The following PSD3 variants were observed in gnomAD, a reference collection of about 807,000 sequenced individuals.
PSD3 encodes the protein pleckstrin and Sec7 domain containing 3.
Under a neutral mutation model 105.5 loss-of-function variants are expected in PSD3, and 49 were observed. The ratio of observed to expected loss-of-function variants is 0.46; its 90% confidence interval spans 0.37 to 0.59. PSD3 has a LOEUF of 0.59. PSD3 is among the 20% of genes least tolerant of loss of function. The pLI is 0.00. For missense variants in PSD3, 1,561 were observed against 1,263.8 expected (o/e 1.24, Z -3.57); for synonymous variants, 557 against 457.8 (o/e 1.22, Z -2.77).
Position 18,776,271 on chromosome 8 carries a change from T to TAA in PSD3, c.2083-10735_2083-10734dup, listed in dbSNP as rs1404633228. Among the ~76,000 whole-genome samples the TAA allele has an allele frequency of 3.3e-3, 471 of 142,260 alleles. 4 individuals carry two copies. Among genetic ancestry groups the TAA allele is most frequent in the Non-Finnish European group, 5.1e-3 (340 of 66,700 alleles). The allele number at this position is 142,260 out of a possible 152,430, so 93.3% of individuals were successfully genotyped here. On this transcript the variant is annotated intron_variant, in intron 8 of 15. Coordinates refer to ENST00000327040, the MANE Select transcript of PSD3 (RefSeq NM_015310.4). Reference sequence around the variant, plus strand: ...CTCTCTCTCTCTCTCTATATATATATAATGTATAAATATATATATAATGTA... The same window carrying TAA: ...CTCTCTCTCTCTCTCTATATATATATAAAATGTATAAATATATATATAATGTA...
chr8:18,535,991 G>A lies in PSD3; in HGVS notation c.2929-33C>T, dbSNP rs780229745. 2 of 1,591,202 alleles carry A rather than the reference G, an allele frequency of 1.3e-6. 1 individual carries two copies. Among genetic ancestry groups the A allele is most frequent in the South Asian group, 2.2e-5 (2 of 90,628 alleles). On this transcript the variant is annotated intron_variant, in intron 15 of 15. Coordinates refer to ENST00000327040, the MANE Select transcript of PSD3 (RefSeq NM_015310.4). ...CAAAGCCAGAGAACAACGGTAGTCA[G>A]AAAACTGTTCAAAATGCACGTGTGC...
chr8:18,880,496 C>T (rs959501489), intron 2 of PSD3, among the ~76,000 whole-genome samples: 4 of 152,134 alleles, frequency 2.6e-5, no homozygotes, highest in Non-Finnish European at 5.9e-5. Flanking sequence ...GACAATAGTA[C>T]AGGTGAGAGA....
At position 18,611,989 on chromosome 8, in the gene PSD3, A is replaced by C. The variant is rs527606709; in HGVS notation, c.2411-11555T>G. 1.6e-3 allele frequency among the ~76,000 whole-genome samples: 238 copies of C among 152,360 alleles called. 2 individuals carry two copies. Among genetic ancestry groups the C allele is most frequent in the African/African-American group, 5.1e-3 (213 of 41,584 alleles). ...TTTCTCACACAAAGACTTGATGATG[A>C]CTATCACATTGTCTAAGGTGGAATG... On this transcript the variant is annotated intron_variant, in intron 11 of 15. Coordinates refer to ENST00000327040, the MANE Select transcript of PSD3 (RefSeq NM_015310.4).
intron 9 of PSD3, among the ~76,000 whole-genome samples, chr8:18,764,392 G>A (rs1382000502): frequency 6.6e-6 from 1 of 151,990 alleles, no homozygotes; most frequent in East Asian, 1.9e-4. Flanking sequence ...GCTGTACAAA[G>A]GACCTAAAGA....
chr8:18,717,873 T>C (rs1563196060), intron 9 of PSD3, among the ~76,000 whole-genome samples: 1 of 152,060 alleles, frequency 6.6e-6, no homozygotes, highest in Non-Finnish European at 1.5e-5. Flanking sequence ...CATTAAATTC[T>C]CTGCGGTGAG....
chr8:18,868,130 T>C (rs1817088780), intron 3 of PSD3, 61 bp from the exon 4 acceptor site: 5 of 1,479,980 alleles, frequency 3.4e-6, no homozygotes, highest in African/African-American at 2.8e-5. Context: ...TTTCTCCCAC[T>C]TCAACCATAT....
chr8:18,637,653 G>A (rs939418893), intron 10 of PSD3, among the ~76,000 whole-genome samples: 5 of 152,066 alleles, frequency 3.3e-5, no homozygotes, highest in South Asian at 2.1e-4. Flanking sequence ...TTTTATGGTC[G>A]TGCCAGTTTG....
rs192220379 is a variant in PSD3, at chr8:18,760,930, G to A, written c.2172+4519C>T. On this transcript the variant is annotated intron_variant, in intron 9 of 15. Transcript: ENST00000327040. The stretch of plus-strand genomic sequence containing the variant: ...AGCAACCCTTGTCTCCCCCAGGGAT[G>A]TTTTAATCACTTCAAGTAATTCACA... Among the ~76,000 whole-genome samples, 4 of 152,290 alleles carry A rather than the reference G, an allele frequency of 2.6e-5. No individual in the cohort carries two copies. In the East Asian group the frequency reaches 7.7e-4, roughly 29 times the overall value.
chr8:18,788,092 G>A (rs1041934908), intron 8 of PSD3, among the ~76,000 whole-genome samples: 4 of 152,178 alleles, frequency 2.6e-5, no homozygotes, highest in Non-Finnish European at 5.9e-5. Flanking sequence ...TTTTGCCTAT[G>A]AGTCATAACT....
chr8:18,544,248 T>C (rs1188426242), intron 15 of PSD3, among the ~76,000 whole-genome samples: 1 of 146,186 alleles, frequency 6.8e-6, no homozygotes, highest in Non-Finnish European at 1.5e-5. Flanking sequence ...AAGTAAGGAC[T>C]GCTCATCTCC....
intron 9 of PSD3, among the ~76,000 whole-genome samples, chr8:18,761,358 G>C (rs559720645): frequency 3.0e-4 from 46 of 152,246 alleles, no homozygotes; most frequent in Middle Eastern, 3.4e-3. Context: ...CCAGATACCT[G>C]CAGGAAGGGA....
At chr8:18,825,267 C>T (rs968285374) in intron 4 of PSD3, among the ~76,000 whole-genome samples, 2 of 152,160 alleles carry the variant, frequency 1.3e-5, no homozygotes, top group Non-Finnish European at 2.9e-5. Flanking sequence ...AACTACTGCA[C>T]CAGTAGGTTT....
chr8:18,769,751 A>C (rs1807335583), intron 8 of PSD3, among the ~76,000 whole-genome samples: 1 of 152,230 alleles, frequency 6.6e-6, no homozygotes, highest in South Asian at 2.1e-4. Context: ...GCCTTTTATG[A>C]CTAGCTTCTT....
Position 18,603,436 on chromosome 8 carries a change from C to T in PSD3, c.2411-3002G>A, listed in dbSNP as rs569882056. ...TTTTCAATTACTTCTTGAAGTCTAT[C>T]CTTTAGAAGTTCCTTTAGTGAGGAG... On this transcript the variant is annotated intron_variant, in intron 11 of 15. Coordinates refer to ENST00000327040, the MANE Select transcript of PSD3 (RefSeq NM_015310.4). Among the ~76,000 whole-genome samples the T allele has an allele frequency of 2.6e-4, 39 of 152,218 alleles. 1 individual carries two copies. The South Asian group carries it at 8.1e-3, about 32-fold the overall frequency.
At chr8:18,820,943 G>T (rs909203147) in intron 4 of PSD3, among the ~76,000 whole-genome samples, 18 of 152,042 alleles carry the variant, frequency 1.2e-4, no homozygotes, top group Non-Finnish European at 2.9e-5. Context: ...AGACACAGGG[G>T]CTCATGATGT....
intron 1 of PSD3, among the ~76,000 whole-genome samples, chr8:19,052,480 AAAAAAG>A (rs1229669265): frequency 1.3e-5 from 2 of 151,876 alleles, no homozygotes; most frequent in African/African-American, 4.8e-5. Flanking sequence ...CAAAAAAAAA[AAAAAAG>A]AAAAAGAAAA....
intron 11 of PSD3, among the ~76,000 whole-genome samples, chr8:18,615,212 G>A (rs566991031): frequency 6.6e-6 from 1 of 151,596 alleles, no homozygotes; most frequent in Non-Finnish European, 1.5e-5. Flanking sequence ...ATCACCTGCT[G>A]CACCCTACAT....
Position 18,762,900 on chromosome 8 carries a change from T to G in PSD3, c.2172+2549A>C, listed in dbSNP as rs573548653. 3.6e-5 allele frequency: 45 copies of G among 1,262,382 alleles called. 1 individual carries two copies. In the African/African-American group the frequency reaches 5.8e-4, roughly 16 times the overall value. The allele number at this position is 1,262,382 out of a possible 1,614,324, so 78.2% of individuals were successfully genotyped here. A position where few individuals can be genotyped will look rare whatever the true frequency, so the allele number is the denominator to read the frequency against. ...CAAAAAAACAGAATTTGGCTTATAC[T>G]TTTATTTCAACATGGAATAACTGTT... is the stretch of plus-strand genomic sequence containing the variant. On this transcript the variant is annotated intron_variant, in intron 9 of 15. Transcript: ENST00000327040.
At chr8:19,022,744 T>C (rs900679059) in intron 1 of PSD3, among the ~76,000 whole-genome samples, 6 of 152,076 alleles carry the variant, frequency 3.9e-5, no homozygotes, top group African/African-American at 1.4e-4. Flanking sequence ...CAGTGGAGAG[T>C]AGAGCCAGGC....
Sources: gnomAD v4.1 joint callset for allele counts (sites outside exome capture counted in the v4.1 genomes callset) on GRCh38, gnomAD v4.1.1 for gene constraint, MANE v1.5 for transcripts, NCBI Gene and HGNC (gene_info 2026-07-23, HGNC 2026-07-21) for gene names.